Variants in AGAP3 observed in about 807,000 individuals in gnomAD.
The protein encoded by AGAP3 is ArfGAP with GTPase domain, ankyrin repeat and PH domain 3.
Under a neutral mutation model 96.9 loss-of-function variants are expected in AGAP3, and 24 were observed. That is an observed-to-expected ratio of 0.25 (90% confidence interval 0.18 to 0.35). The LOEUF is 0.35. AGAP3 is among the 10% of genes least tolerant of loss of function. AGAP3 has a pLI of 1.00. For synonymous variants in AGAP3, 563 were observed against 536.1 expected (o/e 1.05, Z -0.69); for missense variants, 876 against 1,254.2 (o/e 0.70, Z 4.55).
rs867840468 is a variant in AGAP3 at position 151,120,203 on chromosome 7, C to T, written c.1128+58C>T. 59 of 1,522,170 alleles carry T rather than the reference C, an allele frequency of 3.9e-5. 1 individual carries two copies. The highest frequency in any genetic ancestry group is 1.2e-4 in the Admixed American group (6 of 50,424). 94.3% of individuals were successfully genotyped at this position (1,522,170 alleles called of 1,614,324 possible). On this transcript the variant is annotated intron_variant, in intron 8 of 17. Coordinates refer to ENST00000397238, the MANE Select transcript of AGAP3 (RefSeq NM_031946.7). Reference sequence around the variant, plus strand: ...CCTTTGCTGCACAGGCAGGGCTGAGCGCCGAGCTCCCAGCCAGGAGGGGCG... The same window carrying T: ...CCTTTGCTGCACAGGCAGGGCTGAGTGCCGAGCTCCCAGCCAGGAGGGGCG...
Position 151,141,826 on chromosome 7 carries a change from G to A in AGAP3, c.1805-72G>A, listed in dbSNP as rs572235641. 178 of 1,598,914 alleles carry A rather than the reference G, an allele frequency of 1.1e-4. No individual in the cohort carries two copies. The highest frequency in any genetic ancestry group is 3.3e-4 in the Admixed American group (20 of 59,942). ...CCAGTGGAGCAGGGTAGTGAGTGGA[G>A]TTGTGGCGATAGCATGCCCTGGGTG... On this transcript the variant is annotated intron_variant, in intron 13 of 17. Coordinates refer to ENST00000397238, the MANE Select transcript of AGAP3 (RefSeq NM_031946.7). The surrounding 1 kb of genome is among the most constrained non-coding windows in gnomAD (Gnocchi z 4.2).
At chr7:151,098,110 G>A (rs996260340) in intron 1 of AGAP3, among the ~76,000 whole-genome samples, 2 of 152,184 alleles carry the variant, frequency 1.3e-5, no homozygotes, top group South Asian at 4.1e-4. Flanking sequence ...TGTAATCCCA[G>A]CACTTTGGGA....
intron 1 of AGAP3, among the ~76,000 whole-genome samples, chr7:151,110,280 C>T (rs749159092): frequency 1.3e-5 from 2 of 152,196 alleles, no homozygotes; most frequent in Non-Finnish European, 2.9e-5. Context: ...ATGTGCCTGG[C>T]AGAGTTCTGT....
At chr7:151,095,667 G>T (rs183485728) in intron 1 of AGAP3, among the ~76,000 whole-genome samples, 1 of 103,416 alleles carries the variant, frequency 9.7e-6, no homozygotes, top group East Asian at 3.5e-4. Flanking sequence ...TTTGGTTAAA[G>T]ATGCTCTAAA....
At position 151,140,146 on chromosome 7, in the gene AGAP3, C is replaced by G. The variant is rs775826687; in HGVS notation, c.1804+30C>G. 5.2e-6 allele frequency: 8 copies of G among 1,542,158 alleles called. No individual in the cohort carries two copies. Among genetic ancestry groups the G allele is most frequent in the Middle Eastern group, 1.7e-4 (1 of 5,850 alleles). ...GGGGGACCCAGAGGGAAACCGGGCA[C>G]AGGAGGTGGGCAGTGGGACTTGGGG... On this transcript the variant is annotated intron_variant, in intron 13 of 17. Coordinates refer to ENST00000397238, the MANE Select transcript of AGAP3 (RefSeq NM_031946.7). This position sits in a 1 kb window ranked among gnomAD's most constrained non-coding sequence, Gnocchi z 5.4.
At chr7:151,094,276 C>T (rs1376085138) in intron 1 of AGAP3, among the ~76,000 whole-genome samples, 1 of 152,112 alleles carries the variant, frequency 6.6e-6, no homozygotes, top group East Asian at 1.9e-4. Flanking sequence ...TTATTACGTG[C>T]CGCCTTGTAC....
At chr7:151,117,267 C>G in intron 3 of AGAP3, 85 bp downstream of exon 3, 1 of 1,586,564 alleles carries the variant, frequency 6.3e-7, no homozygotes, top group South Asian at 1.1e-5. Context: ...GGGTCTCCAG[C>G]CCCCTTCCAG....
intron 9 of AGAP3, among the ~76,000 whole-genome samples, chr7:151,126,921 C>T (rs1415375450): frequency 6.6e-6 from 1 of 152,232 alleles, no homozygotes; most frequent in Non-Finnish European, 1.5e-5. Flanking sequence ...CTTCAACTCC[C>T]AGCCCGCATG....
intron 1 of AGAP3, chr7:151,115,753 G>C (rs1799546299): frequency 3.1e-6 from 2 of 652,738 alleles, no homozygotes; most frequent in South Asian, 7.0e-5. Context: ...CGGGGTCTGG[G>C]GTCTGGACCG....
chr7:151,121,725 C>T (rs1016064500), intron 8 of AGAP3, among the ~76,000 whole-genome samples: 5 of 152,172 alleles, frequency 3.3e-5, no homozygotes, highest in South Asian at 2.1e-4. Context: ...ATCCTCACAG[C>T]GGCGACCTTA....
Position 151,132,570 on chromosome 7 carries a change from A to G in AGAP3, c.1327-1830A>G, listed in dbSNP as rs61295026. Reference sequence around the variant, plus strand: ...GGCTGTCTGCCTGGGAAGATGCCATAGCCACCTTGAGAATGAAGGCGACTG... The same window carrying G: ...GGCTGTCTGCCTGGGAAGATGCCATGGCCACCTTGAGAATGAAGGCGACTG... On this transcript the variant is annotated intron_variant, in intron 10 of 17. Coordinates refer to ENST00000397238, the MANE Select transcript of AGAP3 (RefSeq NM_031946.7). 5.8e-3 allele frequency among the ~76,000 whole-genome samples: 879 copies of G among 152,294 alleles called. 12 individuals are homozygous for G. The highest frequency in any genetic ancestry group is 0.02 in the African/African-American group (831 of 41,568).
intron 8 of AGAP3, among the ~76,000 whole-genome samples, chr7:151,122,266 T>G (rs1799931893): frequency 1.3e-5 from 2 of 152,206 alleles, no homozygotes; most frequent in Admixed American, 1.3e-4. Flanking sequence ...GTGCCGCCTG[T>G]GGAGCTGCTG....
chr7:151,105,869 CTT>C (rs147301108), intron 1 of AGAP3, among the ~76,000 whole-genome samples: 4 of 116,280 alleles, frequency 3.4e-5, no homozygotes, highest in South Asian at 3.0e-4. Flanking sequence ...AGGTAAGAGT[CTT>C]TTTTTTTTTT....
chr7:151,105,142 TTATAC>T (rs1798992614), intron 1 of AGAP3, among the ~76,000 whole-genome samples: 1 of 152,226 alleles, frequency 6.6e-6, no homozygotes. Context: ...GAGTGCACAT[TTATAC>T]TAGCCACAGC....
At chr7:151,087,559 C>T (rs965066639) in intron 1 of AGAP3, among the ~76,000 whole-genome samples, 4 of 152,060 alleles carry the variant, frequency 2.6e-5, no homozygotes, top group African/African-American at 4.8e-5. Context: ...CGACGCACAC[C>T]CCCTACGCCG....
intron 1 of AGAP3, among the ~76,000 whole-genome samples, chr7:151,112,429 G>C (rs1163768728): frequency 1.4e-5 from 2 of 142,768 alleles, no homozygotes; most frequent in African/African-American, 2.9e-5. Flanking sequence ...GTGTGTGTGT[G>C]TGTGTGTCCA....
chr7:151,099,888 C>T (rs934755896), intron 1 of AGAP3, among the ~76,000 whole-genome samples: 7 of 152,238 alleles, frequency 4.6e-5, no homozygotes, highest in Non-Finnish European at 7.3e-5. Flanking sequence ...TAAACACACA[C>T]GGACTCTTGG....
In AGAP3 at chr7:151,100,127, T is replaced by A. The variant is rs376863326; in HGVS notation, c.331+13055T>A. Among the ~76,000 whole-genome samples, 186 of 152,348 alleles carry A rather than the reference T, an allele frequency of 1.2e-3. 2 individuals carry two copies. In the South Asian group the frequency reaches 0.038, roughly 31 times the overall value. ...CAGGCTGCAGGGGGCAGCCCCTGCC[T>A]GCAGTGCGCCCTTTGTGGCGTCTCA... On this transcript the variant is annotated intron_variant, in intron 1 of 17. Coordinates refer to ENST00000397238, the MANE Select transcript of AGAP3 (RefSeq NM_031946.7).
chr7:151,122,814 T>G lies in AGAP3; in HGVS notation c.1129-980T>G, dbSNP rs1207673303. The G allele has an allele frequency of 3.1e-6, 5 of 1,613,508 alleles. No homozygotes were observed. The South Asian group carries it at 5.5e-5, about 18-fold the overall frequency. ...AGACCAGTTGGTGACACACAGCACC[T>G]CTGGACATGCCCCCTGTGCGGGGCC... On this transcript the variant is annotated intron_variant, in intron 8 of 17. Transcript: ENST00000397238.
Sources: allele counts gnomAD v4.1 joint callset (sites outside exome capture counted in the v4.1 genomes callset), GRCh38; gene constraint gnomAD v4.1.1; non-coding constraint Gnocchi (gnomAD v3.1); transcripts MANE v1.5; gene names NCBI Gene and HGNC (gene_info 2026-07-23, HGNC 2026-07-21).